The following CFAP263 variants were observed in gnomAD, a reference collection of about 807,000 sequenced individuals.
The protein encoded by CFAP263 is cilia and flagella associated protein 263.
At chr16:58,250,267 G>C in the CFAP263 span, 3 of 553,440 alleles carry the variant, frequency 5.4e-6, no homozygotes, top group Non-Finnish European at 9.5e-6. Flanking sequence ...CACCACCACT[G>C]AGCCAACAAG....
chr16:58,267,563 A>G, the CFAP263 span: 4 of 1,611,730 alleles, frequency 2.5e-6, no homozygotes, highest in South Asian at 3.3e-5. Flanking sequence ...AAAAATTGAA[A>G]AAGAAACACT....
At chr16:58,268,187 T>C in the CFAP263 span, among the ~76,000 whole-genome samples, 7 of 152,224 alleles carry the variant, frequency 4.6e-5, no homozygotes, top group Non-Finnish European at 1.0e-4. Context: ...CTCCAAGGCC[T>C]GTGGTCACTG....
the CFAP263 span, among the ~76,000 whole-genome samples, chr16:58,268,440 G>T: frequency 6.6e-6 from 1 of 152,288 alleles, no homozygotes; most frequent in East Asian, 1.9e-4. Context: ...AAATAGACAG[G>T]ACTGTTTCCA....
chr16:58,252,320 AAC>A, the CFAP263 span, among the ~76,000 whole-genome samples: 1 of 151,962 alleles, frequency 6.6e-6, no homozygotes, highest in Non-Finnish European at 1.5e-5. Flanking sequence ...CAGTGAGTGC[AAC>A]AGAGTAAGAC....
At chr16:58,265,803 C>T in the CFAP263 span, among the ~76,000 whole-genome samples, 1 of 152,238 alleles carries the variant, frequency 6.6e-6, no homozygotes, top group Non-Finnish European at 1.5e-5. Context: ...CATCTTGACT[C>T]AGCATCACCA....
At chr16:58,254,044 G>T in the CFAP263 span, 1 of 1,614,194 alleles carries the variant, frequency 6.2e-7, no homozygotes, top group Non-Finnish European at 8.5e-7. Flanking sequence ...ATGGACCGTG[G>T]GGTAGGCCTG....
chr16:58,251,037 G>C, the CFAP263 span, among the ~76,000 whole-genome samples: 1 of 152,202 alleles, frequency 6.6e-6, no homozygotes, highest in Non-Finnish European at 1.5e-5. Flanking sequence ...GTCTTGCACA[G>C]AATATCCTAG....
At chr16:58,256,415 G>A in the CFAP263 span, among the ~76,000 whole-genome samples, 3 of 152,146 alleles carry the variant, frequency 2.0e-5, no homozygotes, top group African/African-American at 7.2e-5. Flanking sequence ...AAGAATGATG[G>A]CATCTGTTTA....
the CFAP263 span, chr16:58,252,746 A>G: frequency 6.2e-7 from 1 of 1,613,672 alleles, no homozygotes; most frequent in Non-Finnish European, 8.5e-7. Flanking sequence ...CTCTGCTCTC[A>G]AAACTGAGAC....
the CFAP263 span, among the ~76,000 whole-genome samples, chr16:58,264,207 C>T: frequency 1.3e-5 from 2 of 152,194 alleles, no homozygotes; most frequent in African/African-American, 4.8e-5. Context: ...CCTGTGACTT[C>T]CAGGCCCTCA....
At chr16:58,261,384 A>G in the CFAP263 span, among the ~76,000 whole-genome samples, 1 of 152,226 alleles carries the variant, frequency 6.6e-6, no homozygotes, top group Non-Finnish European at 1.5e-5. Flanking sequence ...AAGCATGGGC[A>G]TCAGGAAGAG....
the CFAP263 span, chr16:58,267,335 G>A: frequency 1.6e-6 from 1 of 635,810 alleles, no homozygotes; most frequent in African/African-American, 1.8e-5. Flanking sequence ...ATCAGGATTT[G>A]GAAAATCTGG....
chr16:58,283,267 A>G, the CFAP263 span: 3 of 152,238 alleles, frequency 2.0e-5, no homozygotes, highest in African/African-American at 7.2e-5. Context: ...ACATGAGAAC[A>G]TATTTCCAAG....
At chr16:58,274,955 C>T in the CFAP263 span, among the ~76,000 whole-genome samples, 1 of 152,146 alleles carries the variant, frequency 6.6e-6, no homozygotes, top group Non-Finnish European at 1.5e-5. Flanking sequence ...GTAGTACTTA[C>T]GTTTTAATGC....
At chr16:58,258,767 T>C in the CFAP263 span, among the ~76,000 whole-genome samples, 3 of 152,030 alleles carry the variant, frequency 2.0e-5, no homozygotes, top group Admixed American at 1.3e-4. Flanking sequence ...GGGTGGATCA[T>C]CTGAGCTGGA....
the CFAP263 span, chr16:58,249,952 G>T: frequency 8.7e-7 from 1 of 1,146,964 alleles, no homozygotes; most frequent in East Asian, 2.6e-5. Context: ...GGAGTGACGC[G>T]TGGCCGCCGG....
chr16:58,255,557 G>C, the CFAP263 span, among the ~76,000 whole-genome samples: 2 of 151,856 alleles, frequency 1.3e-5, no homozygotes, highest in African/African-American at 4.8e-5. Flanking sequence ...AAAGTCCCTA[G>C]GTCAGCATTT....
chr16:58,269,505 C>T, the CFAP263 span, among the ~76,000 whole-genome samples: 1 of 152,166 alleles, frequency 6.6e-6, no homozygotes, highest in Admixed American at 6.5e-5. Context: ...TCCCACCCTC[C>T]AGCTCTCAGC....
At chr16:58,254,564 A>G in the CFAP263 span, among the ~76,000 whole-genome samples, 2 of 152,062 alleles carry the variant, frequency 1.3e-5, no homozygotes, top group Admixed American at 6.5e-5. Flanking sequence ...TTTAGAAGAT[A>G]TAACCATGAT....
Sources: allele counts gnomAD v4.1 joint callset (sites outside exome capture counted in the v4.1 genomes callset), GRCh38; gene constraint gnomAD v4.1.1; transcripts MANE v1.5; gene names NCBI Gene and HGNC (gene_info 2026-07-23, HGNC 2026-07-21).